The following ESPNL variants were observed in gnomAD, a reference collection of about 807,000 sequenced individuals.
ESPNL encodes espin-like protein.
In ESPNL, 49 loss-of-function variants were observed where a neutral mutation model predicts 46.8. That is an observed-to-expected ratio of 1.05 (90% confidence interval 0.83 to 1.33). The LOEUF (loss-of-function observed/expected upper bound fraction) is 1.33. Among genes scored for constraint, ESPNL ranks in the 40% most tolerant of loss-of-function variants. ESPNL has a pLI of 0.00. For missense variants in ESPNL, 1,540 were observed against 1,436.6 expected, an observed-to-expected ratio of 1.07 and a Z score of -1.16; for synonymous variants, 664 against 662.1, an observed-to-expected ratio of 1.00 and a Z score of -0.04.
Position 238,131,596 on chromosome 2 carries a change from C to G in ESPNL, c.2882C>G (p.Pro961Arg). The G allele has an allele frequency of 6.2e-7, 1 of 1,611,876 alleles. No homozygotes were observed. Among genetic ancestry groups the G allele is most frequent in the Non-Finnish European group, 8.5e-7 (1 of 1,179,292 alleles). The change falls in exon 9 of 9, where the codon CCT (proline) becomes CGT (arginine). Residue 961 changes from proline (P) to arginine (R), a missense_variant. Pro to Arg is a moderately radical substitution (Grantham distance 103). Coordinates refer to ENST00000343063, the MANE Select transcript of ESPNL (RefSeq NM_194312.4). ...CACGCCGCCGTCCCCTGCAGCGGCC[C>G]TGAGCCCACAGCACAGCGGCTGGGG... ...LPHAAVPCSG[P>R]EPTAQRLGSR... is the part of the protein sequence containing the mutation.
intron 8 of ESPNL, chr2:238,129,303 A>T (rs1314706646): frequency 9.7e-6 from 10 of 1,025,908 alleles, no homozygotes; most frequent in East Asian, 8.8e-5. Context: ...ACTATGATAT[A>T]TGGGTGCTTA....
At chr2:238,119,062 GAT>G (rs1691908162) in intron 5 of ESPNL, among the ~76,000 whole-genome samples, 1 of 116,376 alleles carries the variant, frequency 8.6e-6, no homozygotes, top group East Asian at 2.8e-4. Flanking sequence ...AATGGAAGAG[GAT>G]GGATGGAAGA....
intron 6 of ESPNL, among the ~76,000 whole-genome samples, chr2:238,125,979 CTG>C (rs1043957611): frequency 3.5e-4 from 53 of 151,496 alleles, no homozygotes; most frequent in African/African-American, 1.2e-3. Flanking sequence ...GTGATTGTGT[CTG>C]TGTGTGATTG....
At chr2:238,112,676 T>G (rs930653503) in intron 4 of ESPNL, among the ~76,000 whole-genome samples, 2 of 152,230 alleles carry the variant, frequency 1.3e-5, no homozygotes, top group Non-Finnish European at 2.9e-5. Flanking sequence ...TGTATCCCAC[T>G]GTTTGATAAT....
chr2:238,129,451 G>A (rs569747025), intron 8 of ESPNL, among the ~76,000 whole-genome samples: 2 of 152,186 alleles, frequency 1.3e-5, no homozygotes, highest in Admixed American at 6.5e-5. Context: ...CTGGCCGGGG[G>A]AGGAGCAGGA....
intron 5 of ESPNL, among the ~76,000 whole-genome samples, chr2:238,123,099 C>T (rs762975345): frequency 7.9e-5 from 12 of 152,172 alleles, no homozygotes; most frequent in Admixed American, 1.3e-4. Context: ...AGCTGTGCCG[C>T]ATAGGTCTGT....
At chr2:238,119,600 G>A (rs1691941392) in intron 5 of ESPNL, among the ~76,000 whole-genome samples, 1 of 151,862 alleles carries the variant, frequency 6.6e-6, no homozygotes, top group Non-Finnish European at 1.5e-5. Flanking sequence ...GTGGATGGAG[G>A]AGGGGAGCTG....
rs201194043 is a variant in ESPNL at position 238,130,676 on chromosome 2, G to A, written c.1962G>A (p.Thr654=). ...AGGAGTGGGGGGTGTCTGTGCGGAC[G>A]CTGCGGGGCAACTTCGAGTCGGCCT... ...QIQEWGVSVR[T]LRGNFESASG... The change falls in exon 9 of 9, where the codon ACG becomes ACA. Residue 654 remains threonine (T), a synonymous_variant. Coordinates refer to ENST00000343063, the MANE Select transcript of ESPNL (RefSeq NM_194312.4). 2.8e-5 allele frequency: 43 copies of A among 1,562,084 alleles called. No homozygotes were observed. The highest frequency in any genetic ancestry group is 1.7e-4 in the Middle Eastern group (1 of 5,996).
At chr2:238,129,485 G>A (rs1001263028) in intron 8 of ESPNL, among the ~76,000 whole-genome samples, 29 of 152,136 alleles carry the variant, frequency 1.9e-4, no homozygotes, top group Non-Finnish European at 3.4e-4. Context: ...CATGGAGTGG[G>A]CGCCTGAGGT....
intron 4 of ESPNL, among the ~76,000 whole-genome samples, chr2:238,113,243 T>C (rs576658780): frequency 2.6e-5 from 4 of 152,382 alleles, no homozygotes; most frequent in African/African-American, 7.2e-5. Flanking sequence ...TGAATCCTTA[T>C]GTTTGCCAGT....
intron 8 of ESPNL, among the ~76,000 whole-genome samples, chr2:238,129,925 G>GA (rs1335701558): frequency 2.6e-5 from 4 of 152,254 alleles, no homozygotes; most frequent in African/African-American, 4.8e-5. Context: ...CGTAGGGGCT[G>GA]AAAGCCACAG....
intron 5 of ESPNL, among the ~76,000 whole-genome samples, chr2:238,121,285 C>T (rs903679897): frequency 1.2e-4 from 19 of 152,330 alleles, no homozygotes; most frequent in South Asian, 6.2e-4. Context: ...CCTCCATGCT[C>T]GGGGAGCAGA....
intron 4 of ESPNL, among the ~76,000 whole-genome samples, chr2:238,111,598 T>C (rs1298667036): frequency 6.6e-6 from 1 of 152,258 alleles, no homozygotes; most frequent in Non-Finnish European, 1.5e-5. Flanking sequence ...GGTTCATCCC[T>C]GTTGTAACGC....
intron 7 of ESPNL, 64 bp downstream of exon 7, chr2:238,127,798 C>A: frequency 7.7e-7 from 1 of 1,292,206 alleles, no homozygotes; most frequent in East Asian, 2.5e-5. Flanking sequence ...TTCCCATCCT[C>A]TTAGGGGCCC....
intron 4 of ESPNL, among the ~76,000 whole-genome samples, chr2:238,111,115 C>T (rs948161920): frequency 1.6e-4 from 25 of 151,930 alleles, no homozygotes; most frequent in African/African-American, 6.0e-4. Flanking sequence ...TTAGTAGAGA[C>T]GGGGTTTCAC....
chr2:238,131,295 G>T lies in ESPNL; in HGVS notation c.2581G>T (p.Gly861Cys). The T allele has an allele frequency of 1.3e-6, 2 of 1,582,308 alleles. No homozygotes were observed. The highest frequency in any genetic ancestry group is 1.1e-5 in the South Asian group (1 of 87,020). The change falls in exon 9 of 9, where the codon GGT becomes TGT. Residue 861 changes from glycine to cysteine, a missense_variant. Coordinates refer to ENST00000343063, the MANE Select transcript of ESPNL (RefSeq NM_194312.4). ...SSLSLDLFML[G>C]YFQLLECDLP... ...CCTCTCACTGGATCTCTTCATGCTGGGTTACTTCCAGCTGCTGGAGTGCGA... is the reference window on the plus strand; with the variant it reads ...CCTCTCACTGGATCTCTTCATGCTGTGTTACTTCCAGCTGCTGGAGTGCGA...
chr2:238,100,785 G>A (rs1691450731), intron 1 of ESPNL, 72 bp downstream of exon 1: 2 of 1,322,282 alleles, frequency 1.5e-6, no homozygotes, highest in Non-Finnish European at 2.0e-6. Context: ...GAGCCACGGA[G>A]GATCAGAGTA....
intron 7 of ESPNL, 76 bp downstream of exon 7, chr2:238,127,810 G>A (rs1413055253): frequency 4.3e-6 from 5 of 1,168,910 alleles, no homozygotes; most frequent in Non-Finnish European, 6.2e-6. Flanking sequence ...TAGGGGCCCA[G>A]AGAAGCCCCC....
At chr2:238,101,598 G>A (rs1320909193) in intron 1 of ESPNL, among the ~76,000 whole-genome samples, 1 of 152,180 alleles carries the variant, frequency 6.6e-6, no homozygotes, top group Non-Finnish European at 1.5e-5. Flanking sequence ...TAGGTGTCCT[G>A]GGAAGCCTTT....
Sources: gnomAD v4.1 joint callset for allele counts (sites outside exome capture counted in the v4.1 genomes callset) on GRCh38, gnomAD v4.1.1 for gene constraint, MANE v1.5 for transcripts, NCBI Gene and HGNC (gene_info 2026-07-23, HGNC 2026-07-21) for gene names.